Variants in DOCK2 observed in about 807,000 individuals in gnomAD.
The protein encoded by DOCK2 is dedicator of cytokinesis protein 2.
DOCK2 carries 87 observed loss-of-function variants against 248.9 expected under a neutral mutation model. The observed-to-expected ratio is 0.35, with a 90% confidence interval of 0.29 to 0.42. The LOEUF (loss-of-function observed/expected upper bound fraction) is 0.42. Ranked by LOEUF, DOCK2 falls within the 10% of genes least tolerant of loss-of-function variation. The pLI, the probability that DOCK2 is intolerant of heterozygous loss-of-function variation, is 1.00. For missense variants in DOCK2, 1,747 were observed against 2,300.2 expected, an observed-to-expected ratio of 0.76 and a Z score of 4.92; for synonymous variants, 805 against 821.6, an observed-to-expected ratio of 0.98 and a Z score of 0.35.
intron 26 of DOCK2, among the ~76,000 whole-genome samples, chr5:169,825,169 G>A (rs952558576): frequency 6.6e-6 from 1 of 152,192 alleles, no homozygotes; most frequent in African/African-American, 2.4e-5. Context: ...TACACTGTTG[G>A]TGGGACTGTA....
At chr5:169,834,172 A>G (rs1167124457) in intron 26 of DOCK2, among the ~76,000 whole-genome samples, 3 of 128,792 alleles carry the variant, frequency 2.3e-5, no homozygotes, top group Admixed American at 1.5e-4. Context: ...AAGCTCACAG[A>G]CCACAAGCCC....
chr5:169,837,441 TA>T (rs769494592), intron 26 of DOCK2, among the ~76,000 whole-genome samples: 2 of 152,178 alleles, frequency 1.3e-5, no homozygotes, highest in Non-Finnish European at 2.9e-5. Context: ...GGGTGACATT[TA>T]GATATCACCC....
At chr5:169,702,934 C>T (rs974598428) in intron 14 of DOCK2, among the ~76,000 whole-genome samples, 4 of 152,104 alleles carry the variant, frequency 2.6e-5, no homozygotes, top group African/African-American at 7.2e-5. Context: ...AAGCCTTATT[C>T]GTAAATTGGT....
At chr5:170,049,692 C>G (rs1489720507) in intron 40 of DOCK2, among the ~76,000 whole-genome samples, 1 of 152,198 alleles carries the variant, frequency 6.6e-6, no homozygotes, top group Non-Finnish European at 1.5e-5. Flanking sequence ...GTAGCATCCC[C>G]CATTCCCAGT....
At chr5:169,715,074 T>C (rs1039283293) in intron 19 of DOCK2, among the ~76,000 whole-genome samples, 1 of 152,124 alleles carries the variant, frequency 6.6e-6, no homozygotes, top group Non-Finnish European at 1.5e-5. Flanking sequence ...GAGAGCATTA[T>C]GTATTAAAGA....
chr5:169,837,763 A>G (rs1769680198), intron 26 of DOCK2, among the ~76,000 whole-genome samples: 1 of 152,196 alleles, frequency 6.6e-6, no homozygotes, highest in South Asian at 2.1e-4. Context: ...TTCAAACTCA[A>G]GTATCTCTAA....
chr5:169,746,939 C>T (rs911083715), intron 22 of DOCK2, among the ~76,000 whole-genome samples: 7 of 152,156 alleles, frequency 4.6e-5, no homozygotes, highest in African/African-American at 1.7e-4. Context: ...AAAGCAATGG[C>T]CCCTGACATA....
chr5:169,921,473 C>T (rs73325990), intron 27 of DOCK2, among the ~76,000 whole-genome samples: 2 of 152,206 alleles, frequency 1.3e-5, no homozygotes, highest in East Asian at 3.8e-4. Flanking sequence ...TTCCCAAACA[C>T]ATTCCATGGA....
At chr5:169,830,156 C>G (rs1042067417) in intron 26 of DOCK2, among the ~76,000 whole-genome samples, 1 of 152,236 alleles carries the variant, frequency 6.6e-6, no homozygotes, top group Non-Finnish European at 1.5e-5. Flanking sequence ...GCCTACAGTT[C>G]TGTGGCTCTG....
At chr5:169,906,959 G>A (rs1476845942) in intron 27 of DOCK2, among the ~76,000 whole-genome samples, 1 of 152,154 alleles carries the variant, frequency 6.6e-6, no homozygotes, top group Non-Finnish European at 1.5e-5. Context: ...TATTTATTGA[G>A]TTCTGCTATG....
intron 27 of DOCK2, among the ~76,000 whole-genome samples, chr5:169,899,294 C>A (rs1773788677): frequency 6.6e-6 from 1 of 152,164 alleles, no homozygotes; most frequent in African/African-American, 2.4e-5. Flanking sequence ...AGTCTTAGAT[C>A]CTCAGAGTGC....
intron 22 of DOCK2, among the ~76,000 whole-genome samples, chr5:169,724,952 G>C (rs1762397698): frequency 6.6e-6 from 1 of 152,066 alleles, no homozygotes; most frequent in East Asian, 1.9e-4. Context: ...GCAGTCGGAG[G>C]GAGCACATAA....
intron 26 of DOCK2, among the ~76,000 whole-genome samples, chr5:169,816,081 G>A (rs1768055529): frequency 6.6e-6 from 1 of 152,204 alleles, no homozygotes; most frequent in South Asian, 2.1e-4. Context: ...AGCCCTCTCA[G>A]CAGCAGATAA....
rs1050218603 is a variant in DOCK2, at chr5:169,938,184, G to A, written c.2800-44884G>A. On this transcript the variant is annotated intron_variant, in intron 27 of 51. Coordinates refer to ENST00000520908, the MANE Select transcript of DOCK2 (RefSeq NM_004946.3). ...TATTCAAGAAAAGTTTACAGCTACC[G>A]CACAGCTGCCACCTTAAAGAAATCT... Among the ~76,000 whole-genome samples the A allele has an allele frequency of 2.0e-5, 3 of 151,608 alleles. No homozygotes were observed. The South Asian group carries it at 6.3e-4, about 32-fold the overall frequency.
chr5:170,036,690 C>G, intron 36 of DOCK2, 135 bp downstream of exon 36: 1 of 804,504 alleles, frequency 1.2e-6, no homozygotes, highest in Non-Finnish European at 1.9e-6. Flanking sequence ...TGTTCTGATT[C>G]CTGTCAATTT....
chr5:170,017,208 G>C (rs1755565689), intron 32 of DOCK2, among the ~76,000 whole-genome samples: 1 of 152,148 alleles, frequency 6.6e-6, no homozygotes, highest in Non-Finnish European at 1.5e-5. Flanking sequence ...GCAAGCAGCT[G>C]TGCCAGGCCA....
intron 27 of DOCK2, among the ~76,000 whole-genome samples, chr5:169,862,720 T>G (rs1385772337): frequency 6.6e-6 from 1 of 152,214 alleles, no homozygotes; most frequent in African/African-American, 2.4e-5. Context: ...CTTGCCAAAT[T>G]TCCCTTTCAT....
At chr5:169,880,737 T>C (rs954012524) in intron 27 of DOCK2, among the ~76,000 whole-genome samples, 1 of 152,236 alleles carries the variant, frequency 6.6e-6, no homozygotes, top group African/African-American at 2.4e-5. Flanking sequence ...GAGCCCAGAT[T>C]AAGTTAGCTG....
chr5:170,001,911 A>G (rs1195898896), intron 30 of DOCK2, among the ~76,000 whole-genome samples: 1 of 152,170 alleles, frequency 6.6e-6, no homozygotes, highest in African/African-American at 2.4e-5. Context: ...CAAGACTGAG[A>G]GTTTGCTAGC....
Sources: allele counts gnomAD v4.1 joint callset (sites outside exome capture counted in the v4.1 genomes callset), GRCh38; gene constraint gnomAD v4.1.1; transcripts MANE v1.5; gene names NCBI Gene and HGNC (gene_info 2026-07-23, HGNC 2026-07-21).